Variants in NTM observed in about 807,000 individuals in gnomAD.
The protein encoded by NTM is neurotrimin.
NTM carries 13 observed loss-of-function variants against 42.1 expected under a neutral mutation model. The observed-to-expected ratio is 0.31, with a 90% CI of 0.20 to 0.49. The LOEUF (loss-of-function observed/expected upper bound fraction) is 0.49. NTM is among the 20% of genes least tolerant of loss of function. NTM has a pLI of 0.99. For synonymous variants in NTM, 187 were observed against 179.2 expected, an observed-to-expected ratio of 1.04 and a Z score of -0.35; for missense variants, 373 against 452.8, an observed-to-expected ratio of 0.82 and a Z score of 1.60.
intron 4 of NTM, among the ~76,000 whole-genome samples, chr11:132,306,925 G>A (rs2095106934): frequency 6.6e-6 from 1 of 152,182 alleles, no homozygotes. Flanking sequence ...AGTCTGGTAT[G>A]TGAAGCGTTG....
rs548607152 is a variant in NTM, at chr11:131,471,135, G to A, written c.82+100247G>A. Among the ~76,000 whole-genome samples, 8 of 152,298 alleles carry A rather than the reference G, an allele frequency of 5.3e-5. No individual in the cohort carries two copies. The East Asian group carries it at 1.2e-3, about 22-fold the overall frequency. ...GCTCACAGACATGTTATTCATACAT[G>A]AGTATTGTCAGCTCTTACTAACTCA... On this transcript the variant is annotated intron_variant, in intron 1 of 8. Transcript: ENST00000683400.
At chr11:132,205,805 T>G (rs2081904036) in intron 3 of NTM, among the ~76,000 whole-genome samples, 2 of 152,302 alleles carry the variant, frequency 1.3e-5, no homozygotes, top group South Asian at 4.1e-4. Context: ...TGCCCAGACC[T>G]CCGATCCTCT....
Position 131,452,513 on chromosome 11 carries a change from C to T in NTM, c.82+81625C>T, listed in dbSNP as rs573329236. Among the ~76,000 whole-genome samples, 14 of 152,332 alleles carry T rather than the reference C, an allele frequency of 9.2e-5. No individual in the cohort carries two copies. The East Asian group carries it at 2.7e-3, about 29-fold the overall frequency. On this transcript the variant is annotated intron_variant, in intron 1 of 8. Transcript: ENST00000683400. Reference sequence around the variant, plus strand: ...CTGAACCAACTGACATGTGTGTGCTCATTTGTAGGAAGAAGTTAATGATAA... The same window carrying T: ...CTGAACCAACTGACATGTGTGTGCTTATTTGTAGGAAGAAGTTAATGATAA...
At chr11:132,234,339 G>A (rs1029857712) in intron 4 of NTM, among the ~76,000 whole-genome samples, 7 of 152,142 alleles carry the variant, frequency 4.6e-5, no homozygotes, top group Non-Finnish European at 1.0e-4. Context: ...GAGCACATTT[G>A]CCTCAATCAG....
intron 2 of NTM, among the ~76,000 whole-genome samples, chr11:132,013,546 T>C (rs2135443685): frequency 6.6e-6 from 1 of 152,122 alleles, no homozygotes; most frequent in South Asian, 2.1e-4. Context: ...AGAAAAGTGG[T>C]GGTAAGATCA....
At chr11:131,866,661 T>C (rs1455704367) in intron 1 of NTM, among the ~76,000 whole-genome samples, 1 of 152,214 alleles carries the variant, frequency 6.6e-6, no homozygotes, top group Non-Finnish European at 1.5e-5. Context: ...GCATTTGCAG[T>C]CAGAAACACC....
chr11:131,755,557 T>C (rs1455153683), intron 1 of NTM, among the ~76,000 whole-genome samples: 1 of 152,232 alleles, frequency 6.6e-6, no homozygotes, highest in African/African-American at 2.4e-5. Context: ...CATATATTTT[T>C]ATTAAAATAT....
At chr11:132,082,876 A>C (rs977814023) in intron 2 of NTM, among the ~76,000 whole-genome samples, 2 of 152,212 alleles carry the variant, frequency 1.3e-5, no homozygotes, top group African/African-American at 2.4e-5. Context: ...ACATGTACCA[A>C]AATGAAACAA....
rs558206549 is a variant in NTM, at chr11:132,069,746, C to T, written c.168-76536C>T. On this transcript the variant is annotated intron_variant, in intron 2 of 8. Transcript: ENST00000683400. Reference sequence around the variant, plus strand: ...ACTGACCATCACAGGTTAGTTAACACGTCACACAGCCAAGTTAACACGTCA... The same window carrying T: ...ACTGACCATCACAGGTTAGTTAACATGTCACACAGCCAAGTTAACACGTCA... Among the ~76,000 whole-genome samples the T allele has an allele frequency of 3.5e-4, 53 of 150,306 alleles. 1 individual carries two copies. Among genetic ancestry groups the T allele is most frequent in the African/African-American group, 1.0e-3 (41 of 40,502 alleles).
intron 1 of NTM, among the ~76,000 whole-genome samples, chr11:131,679,941 G>A (rs766388605): frequency 3.9e-5 from 6 of 152,180 alleles, no homozygotes; most frequent in Non-Finnish European, 8.8e-5. Context: ...TTTTAACAAA[G>A]TCATGCAAAG....
At chr11:131,925,056 C>T (rs1213307531) in intron 2 of NTM, among the ~76,000 whole-genome samples, 5 of 152,164 alleles carry the variant, frequency 3.3e-5, no homozygotes, top group Non-Finnish European at 2.9e-5. Flanking sequence ...GTCCAAGTAA[C>T]ATGTCTGCTT....
At chr11:131,410,432 G>A (rs968331425) in intron 1 of NTM, among the ~76,000 whole-genome samples, 1 of 147,878 alleles carries the variant, frequency 6.8e-6, no homozygotes, top group Non-Finnish European at 1.5e-5. Context: ...GTTGTAGTGA[G>A]CTATGAGCTG....
Position 131,370,863 on chromosome 11 carries a change from G to A in NTM, c.57G>A (p.Gly19=), listed in dbSNP as rs1941062632. ...CTATCTCTTGGGCAATCTTCACGGG[G>A]CTGGCTGCTCTGTGTCTCTTCCAAG... ...HNSISWAIFT[G]LAALCLFQGV... The change falls in exon 1 of 9, where the codon GGG becomes GGA. Residue 19 remains glycine, a synonymous_variant. Transcript: ENST00000683400. 6.2e-7 allele frequency: 1 copy of A among 1,614,130 alleles called. No homozygotes were observed. The highest frequency in any genetic ancestry group is 8.5e-7 in the Non-Finnish European group (1 of 1,179,996).
intron 1 of NTM, among the ~76,000 whole-genome samples, chr11:131,594,636 C>T (rs935316199): frequency 3.9e-5 from 6 of 152,152 alleles, no homozygotes; most frequent in Admixed American, 2.6e-4. Context: ...GGGGCTCAAG[C>T]CGTCCTCTTA....
At chr11:131,445,234 G>A (rs559917883) in intron 1 of NTM, among the ~76,000 whole-genome samples, 4 of 152,102 alleles carry the variant, frequency 2.6e-5, no homozygotes, top group Admixed American at 6.5e-5. Flanking sequence ...TTGTATCTCC[G>A]TACACTGCCC....
At chr11:131,726,111 G>A (rs1051363541) in intron 1 of NTM, among the ~76,000 whole-genome samples, 1 of 152,162 alleles carries the variant, frequency 6.6e-6, no homozygotes, top group African/African-American at 2.4e-5. Context: ...ATTTTGAACA[G>A]GAAAAAATTA....
intron 1 of NTM, among the ~76,000 whole-genome samples, chr11:131,376,813 C>A (rs1464415147): frequency 2.6e-5 from 4 of 152,078 alleles, no homozygotes; most frequent in African/African-American, 4.8e-5. Flanking sequence ...GAAGCGCCAC[C>A]AAACTCTCAC....
intron 1 of NTM, chr11:131,661,194 G>A (rs1249305414): frequency 1.1e-5 from 5 of 438,300 alleles, no homozygotes; most frequent in East Asian, 1.4e-4. Flanking sequence ...TTCTTTGAAA[G>A]GGGTTTGTCC....
intron 3 of NTM, among the ~76,000 whole-genome samples, chr11:132,170,260 T>A (rs2075935218): frequency 1.3e-5 from 2 of 152,232 alleles, no homozygotes; most frequent in African/African-American, 4.8e-5. Context: ...ACATGTTCTC[T>A]TTAAGGTCAT....
Sources: gnomAD v4.1 joint callset for allele counts (sites outside exome capture counted in the v4.1 genomes callset) on GRCh38, gnomAD v4.1.1 for gene constraint, MANE v1.5 for transcripts, NCBI Gene and HGNC (gene_info 2026-07-23, HGNC 2026-07-21) for gene names.